The following ROBO2 variants were observed in gnomAD, a reference collection of about 807,000 sequenced individuals.
The protein encoded by ROBO2 is roundabout homolog 2.
Under a neutral mutation model 160.8 loss-of-function variants are expected in ROBO2, and 53 were observed. The ratio of observed to expected loss-of-function variants is 0.33; its 90% CI spans 0.26 to 0.41. The LOEUF (loss-of-function observed/expected upper bound fraction) is 0.41, where lower values mean the gene tolerates loss of function less well. Among genes scored for constraint, ROBO2 ranks in the 10% least tolerant of loss-of-function variants. ROBO2 has a pLI of 1.00. For missense variants in ROBO2, 1,577 were observed against 1,722.4 expected (o/e 0.92, Z 1.49); for synonymous variants, 664 against 611.7 (o/e 1.09, Z -1.26).
At chr3:76,794,491 C>T (rs1167040) in intron 2 of ROBO2, among the ~76,000 whole-genome samples, 3,813 of 151,926 alleles carry the variant, frequency 0.025, 147 homozygotes, top group African/African-American at 0.086. Context: ...GGTAATGTAT[C>T]AAGGGTTTTG....
chr3:76,050,422 C>A (rs1375210926), intron 2 of ROBO2, among the ~76,000 whole-genome samples: 1 of 152,122 alleles, frequency 6.6e-6, no homozygotes, highest in African/African-American at 2.4e-5. Context: ...GGGACTCAGA[C>A]TGGCTTCCTG....
intron 1 of ROBO2, among the ~76,000 whole-genome samples, chr3:77,065,650 A>C (rs1408689831): frequency 6.6e-6 from 1 of 152,220 alleles, no homozygotes; most frequent in African/African-American, 2.4e-5. Context: ...CCAAATTTAA[A>C]CATTTCTTAA....
intron 2 of ROBO2, among the ~76,000 whole-genome samples, chr3:77,365,085 C>T (rs1242259800): frequency 6.8e-6 from 1 of 148,132 alleles, no homozygotes; most frequent in South Asian, 2.1e-4. Context: ...GAGGAGGTTG[C>T]AGTGAGCTGA....
intron 2 of ROBO2, among the ~76,000 whole-genome samples, chr3:76,574,157 T>C (rs1433112766): frequency 6.6e-6 from 1 of 152,084 alleles, no homozygotes; most frequent in African/African-American, 2.4e-5. Context: ...TTATTAGAAT[T>C]AAGCATGAAA....
At chr3:77,383,981 A>T (rs1332615388) in intron 2 of ROBO2, among the ~76,000 whole-genome samples, 2 of 152,196 alleles carry the variant, frequency 1.3e-5, no homozygotes, top group Non-Finnish European at 1.5e-5. Context: ...TCTATCAAAC[A>T]TTGGAGAAGT....
At chr3:76,226,564 G>A (rs1362678114) in intron 2 of ROBO2, among the ~76,000 whole-genome samples, 1 of 152,106 alleles carries the variant, frequency 6.6e-6, no homozygotes, top group Non-Finnish European at 1.5e-5. Context: ...GTTTGGACCA[G>A]TTTTTAACAA....
At chr3:77,315,140 A>T (rs1054513197) in intron 2 of ROBO2, among the ~76,000 whole-genome samples, 1 of 152,210 alleles carries the variant, frequency 6.6e-6, no homozygotes, top group Non-Finnish European at 1.5e-5. Context: ...ACAATGGAGG[A>T]AACAAAATAA....
intron 2 of ROBO2, among the ~76,000 whole-genome samples, chr3:76,672,685 A>G (rs1030315167): frequency 3.3e-5 from 5 of 152,078 alleles, no homozygotes; most frequent in Admixed American, 2.0e-4. Flanking sequence ...AGCAGCTTTG[A>G]CTTTTCATGC....
intron 21 of ROBO2, among the ~76,000 whole-genome samples, chr3:77,609,482 C>G (rs1416022516): frequency 6.6e-6 from 1 of 151,920 alleles, no homozygotes; most frequent in Non-Finnish European, 1.5e-5. Context: ...GCTGTTAAAG[C>G]TTTATATGCA....
intron 2 of ROBO2, among the ~76,000 whole-genome samples, chr3:76,591,847 A>C (rs538939936): frequency 2.0e-5 from 3 of 152,058 alleles, no homozygotes; most frequent in Non-Finnish European, 4.4e-5. Flanking sequence ...CTCTGTGTGA[A>C]AGTGCTCTGG....
chr3:76,487,354 G>A (rs2079554811), intron 2 of ROBO2, among the ~76,000 whole-genome samples: 1 of 151,670 alleles, frequency 6.6e-6, no homozygotes, highest in South Asian at 2.1e-4. Flanking sequence ...CATAACCTAT[G>A]GGCTTAAAAG....
intron 2 of ROBO2, among the ~76,000 whole-genome samples, chr3:76,620,002 T>C (rs573437920): frequency 4.5e-4 from 69 of 152,322 alleles, no homozygotes; most frequent in African/African-American, 1.6e-3. Context: ...CTTGGAAATA[T>C]AAAACATATG....
At chr3:77,592,205 AT>A (rs2094197112) in intron 17 of ROBO2, among the ~76,000 whole-genome samples, 1 of 152,168 alleles carries the variant, frequency 6.6e-6, no homozygotes, top group Non-Finnish European at 1.5e-5. Context: ...TGTGTACTAA[AT>A]TGTATGTGAA....
chr3:77,404,846 A>G (rs546464230), intron 2 of ROBO2, among the ~76,000 whole-genome samples: 97 of 152,332 alleles, frequency 6.4e-4, no homozygotes, highest in Non-Finnish European at 1.3e-3. Context: ...ATAGCATGAC[A>G]AAAGAGACAT....
At chr3:75,924,162 C>G (rs1282997435) in intron 1 of ROBO2, among the ~76,000 whole-genome samples, 1 of 151,982 alleles carries the variant, frequency 6.6e-6, no homozygotes, top group African/African-American at 2.4e-5. Context: ...AATAGGATGA[C>G]CTTTTGAATA....
At chr3:77,320,720 G>A (rs902793411) in intron 2 of ROBO2, among the ~76,000 whole-genome samples, 3 of 152,110 alleles carry the variant, frequency 2.0e-5, no homozygotes, top group Non-Finnish European at 2.9e-5. Flanking sequence ...AAAAACTTTT[G>A]TTGCGTTTGA....
intron 2 of ROBO2, among the ~76,000 whole-genome samples, chr3:76,288,721 A>G (rs1485003910): frequency 5.3e-5 from 8 of 152,128 alleles, no homozygotes; most frequent in African/African-American, 1.9e-4. Context: ...GCTCTCACTC[A>G]TAAGTGAGAA....
At chr3:76,256,116 A>G (rs1249424478) in intron 2 of ROBO2, among the ~76,000 whole-genome samples, 1 of 151,534 alleles carries the variant, frequency 6.6e-6, no homozygotes. Flanking sequence ...CTGGGCAACA[A>G]AGTGAGACCT....
chr3:77,126,778 A>C lies in ROBO2; in HGVS notation c.388+28438A>C, dbSNP rs867749189. ...TATTTCATGTATATTTGATTTTGAA[A>C]CTTCTTTTTTTTTTTTTTTTTTTTT... On this transcript the variant is annotated intron_variant, in intron 2 of 25. Transcript: ENST00000461745. Among the ~76,000 whole-genome samples, 681 of 133,330 alleles carry C rather than the reference A, an allele frequency of 5.1e-3. 6 individuals carry two copies. Among genetic ancestry groups the C allele is most frequent in the African/African-American group, 0.019 (618 of 32,360 alleles). The allele number at this position is 133,330 out of a possible 152,430, so 87.5% of individuals were successfully genotyped here. A position where few individuals can be genotyped will look rare whatever the true frequency, so the allele number is the denominator to read the frequency against.
Sources: allele counts gnomAD v4.1 joint callset (sites outside exome capture counted in the v4.1 genomes callset), GRCh38; gene constraint gnomAD v4.1.1; transcripts MANE v1.5; gene names NCBI Gene and HGNC (gene_info 2026-07-23, HGNC 2026-07-21).